DHX35: variants seen among roughly 807,000 people sequenced by gnomAD.
DHX35 encodes probable ATP-dependent RNA helicase DHX35.
A neutral mutation model predicts 99.6 loss-of-function variants in DHX35; 84 were observed. The observed-to-expected ratio is 0.84, with a 90% CI of 0.71 to 1.01. The LOEUF (loss-of-function observed/expected upper bound fraction) is 1.01. Ranked by LOEUF, DHX35 falls within the 50% of genes least tolerant of loss-of-function variation. DHX35 has a pLI of 0.00. For synonymous variants in DHX35, 331 were observed against 316.2 expected, an observed-to-expected ratio of 1.05 and a Z score of -0.50; for missense variants, 852 against 888.5, an observed-to-expected ratio of 0.96 and a Z score of 0.52.
chr20:38,990,602 A>T (rs992133687), intron 5 of DHX35, among the ~76,000 whole-genome samples: 5 of 152,146 alleles, frequency 3.3e-5, no homozygotes, highest in Non-Finnish European at 5.9e-5. Flanking sequence ...ATGTAAATTT[A>T]AAAAAATACA....
At position 38,988,763 on chromosome 20, in the gene DHX35, G is replaced by T. The variant is rs773100591; in HGVS notation, c.346-50G>T. 6 of 1,610,564 alleles carry T rather than the reference G, an allele frequency of 3.7e-6. No individual in the cohort carries two copies. The African/African-American group carries it at 8.0e-5, about 22-fold the overall frequency. On this transcript the variant is annotated intron_variant, in intron 4 of 21. Coordinates refer to ENST00000252011, the MANE Select transcript of DHX35 (RefSeq NM_021931.4). ...TTAGATTTTCCATAGTATGTGCGCTGTGCAGTAATTTCTATGTCTCTATTT... is the reference window on the plus strand; with the variant it reads ...TTAGATTTTCCATAGTATGTGCGCTTTGCAGTAATTTCTATGTCTCTATTT...
chr20:39,027,322 C>G (rs1281564581), intron 18 of DHX35, among the ~76,000 whole-genome samples: 1 of 151,876 alleles, frequency 6.6e-6, no homozygotes. Context: ...AAATAGAAAG[C>G]AATTAGTGAA....
intron 1 of DHX35, among the ~76,000 whole-genome samples, chr20:38,967,856 G>A (rs376198287): frequency 1.2e-4 from 18 of 152,130 alleles, no homozygotes; most frequent in East Asian, 3.8e-4. Context: ...ACTGGCCATG[G>A]TTGATTGTAT....
chr20:38,968,974 A>C (rs1376974845), intron 1 of DHX35, 107 bp from the exon 2 acceptor site: 5 of 1,298,824 alleles, frequency 3.8e-6, no homozygotes. Flanking sequence ...TTTGAGATAA[A>C]AAGTATTGCT....
intron 3 of DHX35, among the ~76,000 whole-genome samples, chr20:38,975,145 C>T (rs1216349231): frequency 6.6e-6 from 1 of 151,460 alleles, no homozygotes; most frequent in Non-Finnish European, 1.5e-5. Flanking sequence ...TAGGTTGGGA[C>T]CCAGATGTAG....
At chr20:39,016,810 ATCT>A (rs1277866139) in intron 14 of DHX35, among the ~76,000 whole-genome samples, 2 of 148,656 alleles carry the variant, frequency 1.3e-5, no homozygotes, top group South Asian at 2.1e-4. Context: ...CCATTTGTAA[ATCT>A]TCTTTGGAGA....
At position 39,003,741 on chromosome 20, in the gene DHX35, G is replaced by A. The variant is rs567548015; in HGVS notation, c.853-8G>A. 5.6e-6 allele frequency: 9 copies of A among 1,601,706 alleles called. No individual in the cohort carries two copies. The highest frequency in any genetic ancestry group is 1.7e-4 in the Middle Eastern group (1 of 6,002). ...CGGTTTCTTTGGTTCCTGGTTCAAC[G>A]TCTTTAGGAAGAGGTAGAAACTGTT... On this transcript the variant is annotated splice_polypyrimidine_tract_variant and splice_region_variant and intron_variant, in intron 10 of 21. Coordinates refer to ENST00000252011, the MANE Select transcript of DHX35 (RefSeq NM_021931.4).
Position 38,988,806 on chromosome 20 carries a change from C to T in DHX35, c.346-7C>T, listed in dbSNP as rs1296681652. 1.9e-6 allele frequency: 3 copies of T among 1,613,368 alleles called. No individual in the cohort carries two copies. Among genetic ancestry groups the T allele is most frequent in the Non-Finnish European group, 2.5e-6 (3 of 1,179,616 alleles). ...CTCTATTTTCAGCATGATCTTTCTT[C>T]CCAAAGGTTGCAGGGAGAGTAGCTG... On this transcript the variant is annotated splice_polypyrimidine_tract_variant and splice_region_variant and intron_variant, in intron 4 of 21. Coordinates refer to ENST00000252011, the MANE Select transcript of DHX35 (RefSeq NM_021931.4).
chr20:38,965,551 A>G (rs1438342264), intron 1 of DHX35, among the ~76,000 whole-genome samples: 1 of 152,190 alleles, frequency 6.6e-6, no homozygotes, highest in Non-Finnish European at 1.5e-5. Flanking sequence ...GAGCTTACAT[A>G]TGCTTTCTAA....
chr20:38,971,313 A>G (rs548421417), intron 2 of DHX35, among the ~76,000 whole-genome samples: 1 of 152,244 alleles, frequency 6.6e-6, no homozygotes, highest in African/African-American at 2.4e-5. Context: ...AGATTGCACC[A>G]CTGCACTCCT....
At chr20:39,005,104 A>G (rs1011285415) in intron 11 of DHX35, among the ~76,000 whole-genome samples, 10 of 152,190 alleles carry the variant, frequency 6.6e-5, no homozygotes, top group Non-Finnish European at 1.3e-4. Context: ...AACTACATAA[A>G]AATATTAGAA....
At chr20:39,018,681 A>G (rs952913079) in intron 14 of DHX35, 123 bp from the exon 15 acceptor site, 8 of 952,238 alleles carry the variant, frequency 8.4e-6, no homozygotes, top group Non-Finnish European at 1.3e-5. Flanking sequence ...GGTGTAGTGC[A>G]TGAATCATCT....
At chr20:39,020,653 A>ATTTTTTTTTTT (rs1339589021) in intron 15 of DHX35, among the ~76,000 whole-genome samples, 2 of 86,592 alleles carry the variant, frequency 2.3e-5, no homozygotes, top group African/African-American at 1.0e-4. Flanking sequence ...TAGAAACAGG[A>ATTTTTTTTTTT]TTCTTTTTTT....
intron 8 of DHX35, among the ~76,000 whole-genome samples, chr20:38,996,843 C>T (rs2086437427): frequency 6.6e-6 from 1 of 152,036 alleles, no homozygotes; most frequent in South Asian, 2.1e-4. Flanking sequence ...ATTGTCATCT[C>T]CCTCACCCAT....
At chr20:38,969,235 C>G in intron 2 of DHX35, 21 bp downstream of exon 2, 2 of 1,598,854 alleles carry the variant, frequency 1.3e-6, no homozygotes, top group South Asian at 2.2e-5. Context: ...TAATCATGTT[C>G]AACCTGTGGG....
chr20:39,009,544 T>C (rs534236113), intron 12 of DHX35, among the ~76,000 whole-genome samples: 1 of 152,294 alleles, frequency 6.6e-6, no homozygotes, highest in East Asian at 1.9e-4. Context: ...TGGAGCATTC[T>C]CTATATAATC....
Position 39,028,717 on chromosome 20 carries a change from A to G in DHX35, c.1883+218A>G, listed in dbSNP as rs185185119. Among the ~76,000 whole-genome samples the G allele has an allele frequency of 1.4e-4, 22 of 152,356 alleles. No homozygotes were observed. The East Asian group carries it at 4.0e-3, about 28-fold the overall frequency. On this transcript the variant is annotated intron_variant, in intron 19 of 21. Coordinates refer to ENST00000252011, the MANE Select transcript of DHX35 (RefSeq NM_021931.4). ...CATATTCAGCTCATCTATATGTTGT[A>G]TGTTTTAGAAGGATGACAATTATAC...
chr20:38,964,708 C>T (rs763394097), intron 1 of DHX35, among the ~76,000 whole-genome samples: 2 of 152,106 alleles, frequency 1.3e-5, no homozygotes, highest in African/African-American at 2.4e-5. Flanking sequence ...GGATTACAGG[C>T]GTGAGCCACT....
Position 39,034,285 on chromosome 20 carries a change from G to C in DHX35, c.2035G>C (p.Glu679Gln). The C allele has an allele frequency of 6.2e-7, 1 of 1,614,206 alleles. No homozygotes were observed. ...TGCCATTGAATCGGCCTGGCTGTTG[G>C]AGCTGGCTCCACACTTTTATCAACA... ...VTAIESAWLL[E>Q]LAPHFYQQGT... The change falls in exon 21 of 22, where the codon GAG (glutamate) becomes CAG (glutamine). Residue 679 changes from glutamate (E) to glutamine (Q), a missense_variant. Physicochemically the swap from Glu to Gln is conservative, Grantham distance 29 (BLOSUM62 2). Coordinates refer to ENST00000252011, the MANE Select transcript of DHX35 (RefSeq NM_021931.4).
Sources: gnomAD v4.1 joint callset for allele counts (sites outside exome capture counted in the v4.1 genomes callset) on GRCh38, gnomAD v4.1.1 for gene constraint, MANE v1.5 for transcripts, NCBI Gene and HGNC (gene_info 2026-07-23, HGNC 2026-07-21) for gene names.